TRPM3: variants seen among roughly 807,000 people sequenced by gnomAD.
The protein encoded by TRPM3 is long transient receptor potential channel 3.
TRPM3 carries 77 observed loss-of-function variants against 181.2 expected under a neutral mutation model. The observed-to-expected ratio is 0.42, with a 90% confidence interval of 0.35 to 0.51. TRPM3 has a LOEUF of 0.51. Among genes scored for constraint, TRPM3 ranks in the 20% least tolerant of loss-of-function variants. The pLI is 0.01. For synonymous variants in TRPM3, 745 were observed against 796.4 expected (o/e 0.94, Z 1.09); for missense variants, 1,759 against 2,196.7 (o/e 0.80, Z 3.98).
At chr9:71,007,891 A>C (rs2097696786) in intron 1 of TRPM3, among the ~76,000 whole-genome samples, 1 of 152,140 alleles carries the variant, frequency 6.6e-6, no homozygotes, top group Admixed American at 6.5e-5. Flanking sequence ...AATAAAATAA[A>C]CCCAAAATTA....
At chr9:70,660,671 C>A (rs538857559) in intron 9 of TRPM3, among the ~76,000 whole-genome samples, 2 of 152,026 alleles carry the variant, frequency 1.3e-5, no homozygotes, top group Admixed American at 1.3e-4. Flanking sequence ...TTTACACACA[C>A]AAACTAGAAA....
chr9:71,277,987 T>C (rs116356661), intron 1 of TRPM3, among the ~76,000 whole-genome samples: 2,133 of 152,240 alleles, frequency 0.014, 57 homozygotes, highest in African/African-American at 0.048. Context: ...GGGACAGCAA[T>C]GCAAAACGCA....
At chr9:70,555,539 G>A (rs1239647143) in intron 22 of TRPM3, among the ~76,000 whole-genome samples, 1 of 152,212 alleles carries the variant, frequency 6.6e-6, no homozygotes, top group Non-Finnish European at 1.5e-5. Context: ...GACACTAATA[G>A]ACATTTCCCA....
intron 1 of TRPM3, among the ~76,000 whole-genome samples, chr9:70,895,504 A>T (rs1191025921): frequency 6.6e-6 from 1 of 152,220 alleles, no homozygotes; most frequent in African/African-American, 2.4e-5. Context: ...GAACCAATCA[A>T]TTACAGATAA....
intron 1 of TRPM3, among the ~76,000 whole-genome samples, chr9:71,328,687 G>T (rs1192351874): frequency 3.3e-5 from 5 of 152,128 alleles, no homozygotes; most frequent in Non-Finnish European, 1.5e-5. Context: ...TTTCTGATGG[G>T]CATAGCAATA....
chr9:71,407,561 A>G (rs1312693879), intron 1 of TRPM3, among the ~76,000 whole-genome samples: 1 of 152,228 alleles, frequency 6.6e-6, no homozygotes, highest in South Asian at 2.1e-4. Flanking sequence ...GACTAGGTAA[A>G]CAAAGCAGCC....
chr9:71,010,616 G>T (rs1042063938), intron 1 of TRPM3, among the ~76,000 whole-genome samples: 34 of 151,820 alleles, frequency 2.2e-4, no homozygotes, highest in Admixed American at 1.2e-3. Context: ...AAGACAAAAC[G>T]TATATAATAA....
intron 1 of TRPM3, among the ~76,000 whole-genome samples, chr9:71,418,813 C>A (rs1162463987): frequency 2.7e-5 from 3 of 113,150 alleles, no homozygotes; most frequent in Admixed American, 1.8e-4. Flanking sequence ...TATATATATA[C>A]TATATATATA....
At chr9:70,996,716 CA>C (rs2097544369) in intron 1 of TRPM3, among the ~76,000 whole-genome samples, 1 of 152,212 alleles carries the variant, frequency 6.6e-6, no homozygotes, top group African/African-American at 2.4e-5. Context: ...TTCACTTTAA[CA>C]GTAGCTTCAA....
intron 1 of TRPM3, among the ~76,000 whole-genome samples, chr9:70,878,739 T>C (rs1013494477): frequency 1.3e-5 from 2 of 152,086 alleles, no homozygotes; most frequent in African/African-American, 4.8e-5. Flanking sequence ...CACCAGTTTA[T>C]GAACCACAAG....
At chr9:70,743,057 T>C (rs999659067) in intron 8 of TRPM3, among the ~76,000 whole-genome samples, 16 of 152,290 alleles carry the variant, frequency 1.1e-4, no homozygotes, top group African/African-American at 3.6e-4. Flanking sequence ...TGGAGAATTA[T>C]AGGGAGAGGA....
At chr9:70,922,781 G>A (rs920181231) in intron 1 of TRPM3, among the ~76,000 whole-genome samples, 18 of 152,166 alleles carry the variant, frequency 1.2e-4, no homozygotes, top group African/African-American at 4.3e-4. Context: ...TTGTAGTGCA[G>A]CTAAGTGGTC....
intron 8 of TRPM3, among the ~76,000 whole-genome samples, chr9:70,740,182 C>A (rs1423988889): frequency 6.6e-6 from 1 of 152,076 alleles, no homozygotes; most frequent in Non-Finnish European, 1.5e-5. Flanking sequence ...CATCAACGAC[C>A]AAGCTGAGAA....
chr9:70,961,477 G>A (rs562207532), intron 1 of TRPM3, among the ~76,000 whole-genome samples: 4 of 152,118 alleles, frequency 2.6e-5, no homozygotes, highest in African/African-American at 9.7e-5. Context: ...TGAAGCCTCA[G>A]GTAAAGCCAT....
chr9:71,122,632 G>A, upstream of TRPM3, among the ~76,000 whole-genome samples: 1 of 152,166 alleles, frequency 6.6e-6, no homozygotes, highest in African/African-American at 2.4e-5. Context: ...ACTGGGAGTG[G>A]TGCAAGCAGA....
In TRPM3 at chr9:70,625,497, A is replaced by G. The variant is rs756506070; in HGVS notation, c.1653T>C (p.Gly551=). The stretch of plus-strand genomic sequence containing the variant: ...ATTAATTCACCTTAAAATAGATCCA[A>G]CCGAAACCTGGATACTCTCGCTTGG... ...DVKKREYPGF[G]WIYFKGNLPP... The change falls in exon 13 of 26, where the codon GGT becomes GGC. Residue 551 remains glycine, a synonymous_variant. Coordinates refer to ENST00000677713, the MANE Select transcript of TRPM3 (RefSeq NM_001366145.2). The surrounding 1 kb of genome is among the most constrained non-coding windows in gnomAD (Gnocchi z 4.8). 2.7e-5 allele frequency: 43 copies of G among 1,612,636 alleles called. No homozygotes were observed. The highest frequency in any genetic ancestry group is 3.4e-5 in the Non-Finnish European group (40 of 1,179,616).
At chr9:70,607,894 G>A (rs2061439359) in intron 19 of TRPM3, among the ~76,000 whole-genome samples, 1 of 152,156 alleles carries the variant, frequency 6.6e-6, no homozygotes, top group African/African-American at 2.4e-5. Context: ...AACTTGATGT[G>A]GTAGCACAAA....
intron 1 of TRPM3, among the ~76,000 whole-genome samples, chr9:71,107,555 T>C (rs573296510): frequency 6.6e-6 from 1 of 152,326 alleles, no homozygotes; most frequent in South Asian, 2.1e-4. Context: ...GAATTTCTAA[T>C]ACCTAGCAGA....
intron 22 of TRPM3, among the ~76,000 whole-genome samples, chr9:70,573,972 TCACACACACACACACACACA>T (rs59193514): frequency 7.1e-6 from 1 of 140,938 alleles, no homozygotes; most frequent in Non-Finnish European, 1.5e-5. Flanking sequence ...GCAATTCATT[TCACACACACACACACACACA>T]CACACACACA....
Sources: allele counts gnomAD v4.1 joint callset (sites outside exome capture counted in the v4.1 genomes callset), GRCh38; gene constraint gnomAD v4.1.1; non-coding constraint Gnocchi (gnomAD v3.1); transcripts MANE v1.5; gene names NCBI Gene and HGNC (gene_info 2026-07-23, HGNC 2026-07-21).